Variants in GABRA3 observed in about 807,000 individuals in gnomAD.
GABRA3 encodes gamma-aminobutyric acid type A receptor subunit alpha3.
A neutral mutation model predicts 30.1 loss-of-function variants in GABRA3; 10 were observed. That is an observed-to-expected ratio of 0.33 (90% CI 0.20 to 0.56). GABRA3 has a LOEUF of 0.56. Ranked by LOEUF, GABRA3 falls within the 20% of genes least tolerant of loss-of-function variation. GABRA3 has a pLI of 0.89. For synonymous variants in GABRA3, 151 were observed against 146.8 expected (o/e 1.03, Z -0.21); for missense variants, 233 against 392.0 (o/e 0.59, Z 3.42).
chrX:152,310,560 A>C (rs1361200653), intron 3 of GABRA3, among the ~76,000 whole-genome samples: 1 of 111,791 alleles, frequency 8.9e-6, no homozygotes, highest in African/African-American at 3.2e-5. Context: ...CAGCTAAAGC[A>C]GTGTTAATAG....
At chrX:152,427,937 G>A (rs972121302) in intron 1 of GABRA3, among the ~76,000 whole-genome samples, 6 of 111,812 alleles carry the variant, frequency 5.4e-5, no homozygotes, top group African/African-American at 1.3e-4. Context: ...CCTGGCTGGC[G>A]CTTCAGCACA....
intron 9 of GABRA3, among the ~76,000 whole-genome samples, chrX:152,170,923 C>T (rs1258364444): frequency 9.0e-6 from 1 of 111,680 alleles, no homozygotes; most frequent in Admixed American, 9.6e-5. Flanking sequence ...GGAAGGGGGA[C>T]AGAACTCTAA....
At chrX:152,241,724 C>T (rs1214851220) in intron 5 of GABRA3, among the ~76,000 whole-genome samples, 4 of 109,386 alleles carry the variant, frequency 3.7e-5, no homozygotes, top group Non-Finnish European at 7.7e-5. Flanking sequence ...GTTTCTTAAG[C>T]CGGTCTGAAA....
At chrX:152,229,977 A>G (rs1188506328) in intron 5 of GABRA3, among the ~76,000 whole-genome samples, 1 of 111,432 alleles carries the variant, frequency 9.0e-6, no homozygotes, top group African/African-American at 3.3e-5. Context: ...ACCCTCATCT[A>G]GCATCATAGT....
chrX:152,262,518 G>T (rs922763895), intron 4 of GABRA3, among the ~76,000 whole-genome samples: 1 of 111,706 alleles, frequency 9.0e-6, no homozygotes, highest in African/African-American at 3.3e-5. Context: ...AAATTTCACC[G>T]GTCTCTTTGC....
intron 1 of GABRA3, among the ~76,000 whole-genome samples, chrX:152,449,629 A>G (rs1931173434): frequency 9.0e-6 from 1 of 111,181 alleles, no homozygotes; most frequent in East Asian, 2.9e-4. Context: ...CTGTTACTCT[A>G]CACGAAAGCC....
chrX:152,372,117 C>A (rs761975384), intron 1 of GABRA3, among the ~76,000 whole-genome samples: 1 of 111,202 alleles, frequency 9.0e-6, no homozygotes, highest in South Asian at 3.8e-4. Flanking sequence ...GCAACTCTTG[C>A]CCCCTTATAG....
chrX:152,411,698 G>C (rs978760636), intron 1 of GABRA3, among the ~76,000 whole-genome samples: 21 of 111,135 alleles, frequency 1.9e-4, no homozygotes, highest in African/African-American at 6.2e-4. Flanking sequence ...AAAAGCACAA[G>C]GAACAAAATA....
chrX:152,216,594 T>C (rs1440407633), intron 6 of GABRA3, among the ~76,000 whole-genome samples: 1 of 109,338 alleles, frequency 9.1e-6, no homozygotes, highest in Non-Finnish European at 1.9e-5. Flanking sequence ...CTAAAATAGA[T>C]ATATCATAAA....
intron 3 of GABRA3, among the ~76,000 whole-genome samples, chrX:152,297,164 T>C (rs953251401): frequency 2.7e-5 from 3 of 112,165 alleles, no homozygotes; most frequent in Non-Finnish European, 1.9e-5. Context: ...ATCTAGACTC[T>C]GACAAAGGTA....
intron 1 of GABRA3, among the ~76,000 whole-genome samples, chrX:152,387,823 A>G (rs1454298880): frequency 9.0e-6 from 1 of 111,477 alleles, no homozygotes; most frequent in Admixed American, 9.6e-5. Flanking sequence ...AGAATTCCAT[A>G]TATCTGCTAG....
At chrX:152,283,119 A>G (rs1467715013) in intron 4 of GABRA3, among the ~76,000 whole-genome samples, 5 of 111,660 alleles carry the variant, frequency 4.5e-5, no homozygotes, top group African/African-American at 9.8e-5. Context: ...TGAATGGCCA[A>G]CTGGCAACAA....
At chrX:152,325,349 G>C (rs1940036495) in intron 3 of GABRA3, among the ~76,000 whole-genome samples, 1 of 111,644 alleles carries the variant, frequency 9.0e-6, no homozygotes, top group Admixed American at 9.5e-5. Flanking sequence ...AGAGAGTAGT[G>C]GTTCTCCCAG....
At chrX:152,228,561 A>AGAAAAGGAAT (rs1938008481) in intron 5 of GABRA3, among the ~76,000 whole-genome samples, 1 of 111,658 alleles carries the variant, frequency 9.0e-6, no homozygotes, top group Non-Finnish European at 1.9e-5. Context: ...ATATAAGTGG[A>AGAAAAGGAAT]GAAAAGGAAC....
At chrX:152,400,049 C>CTGGGGAAAGGGGTTCTCTCTTTT (rs1929755080) in intron 1 of GABRA3, among the ~76,000 whole-genome samples, 1 of 111,640 alleles carries the variant, frequency 9.0e-6, no homozygotes, top group Non-Finnish European at 1.9e-5. Flanking sequence ...GGCAGAGAAA[C>CTGGGGAAAGGGGTTCTCTCTTTT]TGGGGAAAGG....
intron 9 of GABRA3, among the ~76,000 whole-genome samples, chrX:152,176,629 A>G (rs1937078722): frequency 9.0e-6 from 1 of 111,600 alleles, no homozygotes; most frequent in Non-Finnish European, 1.9e-5. Context: ...GAAGACTTGA[A>G]GAAGAGCAGG....
intron 1 of GABRA3, among the ~76,000 whole-genome samples, chrX:152,434,462 C>G (rs906108336): frequency 1.8e-5 from 2 of 110,940 alleles, no homozygotes; most frequent in Admixed American, 9.6e-5. Flanking sequence ...GACTAATACA[C>G]CAAGTACTTA....
chrX:152,219,311 C>G (rs1569359272), intron 6 of GABRA3, among the ~76,000 whole-genome samples: 1 of 110,604 alleles, frequency 9.0e-6, no homozygotes, highest in Admixed American at 9.7e-5. Context: ...ATAATCAGCA[C>G]CCAGGAGTAT....
At chrX:152,272,296 C>T (rs993270947) in intron 4 of GABRA3, among the ~76,000 whole-genome samples, 16 of 112,309 alleles carry the variant, frequency 1.4e-4, no homozygotes, top group African/African-American at 4.9e-4. Flanking sequence ...CCTCTTGCAT[C>T]GGCATGACCT....
Sources: allele counts gnomAD v4.1 joint callset (sites outside exome capture counted in the v4.1 genomes callset), GRCh38; gene constraint gnomAD v4.1.1; transcripts MANE v1.5; gene names NCBI Gene and HGNC (gene_info 2026-07-23, HGNC 2026-07-21).